The following MYO3A variants were observed in gnomAD, a reference collection of about 807,000 sequenced individuals.
MYO3A encodes the protein myosin-IIIa.
MYO3A carries 180 observed loss-of-function variants against 192.7 expected under a neutral mutation model. That is an observed-to-expected ratio of 0.93 (90% CI 0.83 to 1.06). The LOEUF (loss-of-function observed/expected upper bound fraction) is 1.06. Ranked by LOEUF, MYO3A falls within the 50% of genes least tolerant of loss-of-function variation. The probability of loss-of-function intolerance (pLI) is 0.00; values close to 1 mark genes in which losing one functional copy is unlikely to be tolerated. For missense variants in MYO3A, 1,896 were observed against 1,905.0 expected, an observed-to-expected ratio of 1.00 and a Z score of 0.09; for synonymous variants, 628 against 645.3, an observed-to-expected ratio of 0.97 and a Z score of 0.41.
chr10:26,075,573 CATA>C (rs1488228219), intron 14 of MYO3A, among the ~76,000 whole-genome samples: 1 of 140,748 alleles, frequency 7.1e-6, no homozygotes, highest in Non-Finnish European at 1.5e-5. Flanking sequence ...AATAGTCTCT[CATA>C]TATATATATA....
intron 23 of MYO3A, among the ~76,000 whole-genome samples, chr10:26,148,701 T>C (rs1840615928): frequency 6.6e-6 from 1 of 152,228 alleles, no homozygotes; most frequent in African/African-American, 2.4e-5. Context: ...CTGTACAAGT[T>C]TTGCACATCC....
chr10:26,104,468 T>C (rs1261260130), intron 17 of MYO3A, among the ~76,000 whole-genome samples: 1 of 152,126 alleles, frequency 6.6e-6, no homozygotes, highest in Non-Finnish European at 1.5e-5. Context: ...TTGTTCTTGG[T>C]CAAATATCAA....
intron 20 of MYO3A, among the ~76,000 whole-genome samples, chr10:26,131,739 C>G (rs1323961849): frequency 1.3e-5 from 2 of 151,960 alleles, no homozygotes; most frequent in Non-Finnish European, 2.9e-5. Flanking sequence ...TTACAGTTTC[C>G]CGGCACTGGG....
intron 31 of MYO3A, among the ~76,000 whole-genome samples, chr10:26,190,197 C>A (rs1472068493): frequency 6.6e-6 from 1 of 152,188 alleles, no homozygotes; most frequent in Non-Finnish European, 1.5e-5. Context: ...ATTGCAATGG[C>A]AAATGAGACT....
rs1457970953 is a variant in MYO3A at position 26,173,978 on chromosome 10, G to T, written c.3714G>T (p.Gln1238His). Residue 1238 changes from glutamine to histidine, a missense_variant, in exon 30 of 35, where the codon CAG (glutamine) becomes CAT (histidine). Gln to His is a conservative substitution (Grantham distance 24). Coordinates refer to ENST00000642920, the MANE Select transcript of MYO3A (RefSeq NM_017433.5). ...RKVEKEEAMI[Q>H]SYYQRYTEER... Reference sequence around the variant, plus strand: ...TGGAGAAAGAGGAAGCTATGATCCAGAGTTACTATCAGAGGTACACAGAGG... The same window carrying T: ...TGGAGAAAGAGGAAGCTATGATCCATAGTTACTATCAGAGGTACACAGAGG... 6.2e-7 allele frequency: 1 copy of T among 1,608,312 alleles called. No homozygotes were observed. Among genetic ancestry groups the T allele is most frequent in the Non-Finnish European group, 8.5e-7 (1 of 1,178,318 alleles).
chr10:26,086,497 A>G (rs577862909), intron 14 of MYO3A, among the ~76,000 whole-genome samples: 156 of 152,272 alleles, frequency 1.0e-3, no homozygotes, highest in African/African-American at 3.4e-3. Flanking sequence ...GAAGAATTCC[A>G]TGTTGCTGTT....
At chr10:25,988,108 G>C (rs1839767007) in intron 4 of MYO3A, among the ~76,000 whole-genome samples, 1 of 152,136 alleles carries the variant, frequency 6.6e-6, no homozygotes, top group African/African-American at 2.4e-5. Flanking sequence ...AAGTAACTCA[G>C]GAATGGAAAA....
chr10:25,999,584 A>G (rs1840653940), intron 6 of MYO3A, among the ~76,000 whole-genome samples: 1 of 152,178 alleles, frequency 6.6e-6, no homozygotes, highest in Non-Finnish European at 1.5e-5. Context: ...TTTTAAATCA[A>G]ATTTTCAGAG....
intron 26 of MYO3A, among the ~76,000 whole-genome samples, chr10:26,159,695 A>G (rs1841384337): frequency 6.6e-6 from 1 of 152,144 alleles, no homozygotes; most frequent in Non-Finnish European, 1.5e-5. Context: ...GGTTTTCTTT[A>G]GAGACCTGGG....
chr10:26,130,236 C>G (rs1166944361), intron 20 of MYO3A, among the ~76,000 whole-genome samples: 1 of 152,168 alleles, frequency 6.6e-6, no homozygotes, highest in Non-Finnish European at 1.5e-5. Context: ...TCCCAAGTAG[C>G]TGGGACCACA....
At chr10:26,170,579 A>G in intron 29 of MYO3A, 40 bp downstream of exon 29, 1 of 1,578,904 alleles carries the variant, frequency 6.3e-7, no homozygotes, top group South Asian at 1.1e-5. Flanking sequence ...TAACATATAG[A>G]TTTTTCAGAT....
At chr10:26,036,078 C>T (rs970617681) in intron 10 of MYO3A, among the ~76,000 whole-genome samples, 10 of 151,962 alleles carry the variant, frequency 6.6e-5, no homozygotes, top group East Asian at 1.9e-4. Context: ...GGACTACAGG[C>T]GCCCACCACC....
At chr10:26,193,489 C>T (rs1278323482) in intron 32 of MYO3A, among the ~76,000 whole-genome samples, 178 bp downstream of exon 32, 3 of 152,172 alleles carry the variant, frequency 2.0e-5, no homozygotes, top group Admixed American at 6.5e-5. Flanking sequence ...TCTCCTCCAG[C>T]CCTTCTTCCT....
intron 17 of MYO3A, among the ~76,000 whole-genome samples, chr10:26,108,318 T>C (rs1160632895): frequency 2.0e-5 from 3 of 152,218 alleles, no homozygotes; most frequent in Non-Finnish European, 4.4e-5. Context: ...CTTTAAACAG[T>C]CAATGTGTCT....
chr10:26,192,019 A>G (rs967674810), intron 31 of MYO3A, among the ~76,000 whole-genome samples: 6 of 152,194 alleles, frequency 3.9e-5, no homozygotes, highest in African/African-American at 1.2e-4. Flanking sequence ...TCACACTTGT[A>G]TCCTGATCTA....
intron 34 of MYO3A, among the ~76,000 whole-genome samples, chr10:26,207,095 T>C (rs1282718955): frequency 6.6e-6 from 1 of 151,994 alleles, no homozygotes; most frequent in Non-Finnish European, 1.5e-5. Context: ...TTGTATCAGT[T>C]TCCTTATATA....
chr10:26,168,684 T>C (rs959122081), intron 27 of MYO3A, 28 bp from the exon 28 acceptor site: 2 of 1,601,842 alleles, frequency 1.2e-6, no homozygotes, highest in Admixed American at 1.7e-5. Context: ...TGTGCCATGG[T>C]TCTTTGTATT....
intron 31 of MYO3A, among the ~76,000 whole-genome samples, chr10:26,188,082 G>T (rs376910444): frequency 6.6e-6 from 1 of 152,144 alleles, no homozygotes; most frequent in South Asian, 2.1e-4. Context: ...CTTCCACAAT[G>T]GTTGAACTAG....
chr10:25,936,565 T>TA (rs1836080411), intron 2 of MYO3A, among the ~76,000 whole-genome samples: 1 of 152,180 alleles, frequency 6.6e-6, no homozygotes, highest in African/African-American at 2.4e-5. Context: ...CAAATTCAGT[T>TA]ATTCATTAGA....
Sources: gnomAD v4.1 joint callset for allele counts (sites outside exome capture counted in the v4.1 genomes callset) on GRCh38, gnomAD v4.1.1 for gene constraint, MANE v1.5 for transcripts, NCBI Gene and HGNC (gene_info 2026-07-23, HGNC 2026-07-21) for gene names.